The following WNK2 variants were observed in gnomAD, a reference collection of about 807,000 sequenced individuals.
WNK2 encodes serine/threonine-protein kinase WNK2.
A neutral mutation model predicts 192.1 loss-of-function variants in WNK2; 67 were observed. That is an observed-to-expected ratio of 0.35 (90% CI 0.29 to 0.43). The LOEUF (loss-of-function observed/expected upper bound fraction) is 0.43. Ranked by LOEUF, WNK2 falls within the 20% of genes least tolerant of loss-of-function variation. WNK2 has a pLI of 1.00. For missense variants in WNK2, 2,698 were observed against 3,089.7 expected (o/e 0.87, Z 3.01); for synonymous variants, 1,439 against 1,393.9 (o/e 1.03, Z -0.72).
At chr9:93,306,544 C>CT in intron 26 of WNK2, 3 of 560,400 alleles carry the variant, frequency 5.4e-6, no homozygotes, top group Non-Finnish European at 9.6e-6. Context: ...CTCCCTGAAG[C>CT]TTAGGGGCTT....
At chr9:93,245,539 G>A (rs1841542323) in intron 7 of WNK2, among the ~76,000 whole-genome samples, 1 of 152,260 alleles carries the variant, frequency 6.6e-6, no homozygotes, top group African/African-American at 2.4e-5. Flanking sequence ...CCGCCAGTTA[G>A]GCAGATGCTG....
chr9:93,250,048 G>T (rs748227566), intron 8 of WNK2, among the ~76,000 whole-genome samples: 157 of 150,726 alleles, frequency 1.0e-3, no homozygotes, highest in Admixed American at 2.6e-3. Context: ...TGAGTAGCTG[G>T]GACTATAGGC....
intron 2 of WNK2, among the ~76,000 whole-genome samples, chr9:93,217,514 T>G (rs1835962700): frequency 6.6e-6 from 1 of 152,154 alleles, no homozygotes; most frequent in African/African-American, 2.4e-5. Context: ...GCCGTCTCGG[T>G]TGTGGTCCCC....
At position 93,239,854 on chromosome 9, in the gene WNK2, A is replaced by C; in HGVS notation, c.1420A>C (p.Ile474Leu). 6.2e-7 allele frequency: 1 copy of C among 1,601,058 alleles called. No individual in the cohort carries two copies. The highest frequency in any genetic ancestry group is 8.5e-7 in the Non-Finnish European group (1 of 1,174,258). The change falls in exon 7 of 30, where the codon ATC becomes CTC. Residue 474 changes from isoleucine to leucine, a missense_variant. Coordinates refer to ENST00000427277, the MANE Select transcript of WNK2 (RefSeq NM_006648.4). The surrounding 1 kb of genome is among the most constrained non-coding windows in gnomAD (Gnocchi z 4.2). ...GGAGGACCACGGCAGGAAGTCCACC[A>C]TCGCCCTGAGGCTCTGGGTGGAAGA... is the stretch of plus-strand genomic sequence containing the variant. Reference protein sequence around the residue: ...AEEDHGRKSTIALRLWVEDPK... With the variant: ...AEEDHGRKSTLALRLWVEDPK...
At chr9:93,238,468 G>GA in intron 6 of WNK2, 147 bp downstream of exon 6, 1 of 748,630 alleles carries the variant, frequency 1.3e-6, no homozygotes, top group East Asian at 2.7e-5. Flanking sequence ...AGGGGCTGGT[G>GA]AGCATGTCGG....
chr9:93,222,449 G>A (rs1837079148), intron 2 of WNK2, among the ~76,000 whole-genome samples: 1 of 152,180 alleles, frequency 6.6e-6, no homozygotes. Context: ...TGGAGCCCTT[G>A]ACAAAGAAGA....
In WNK2 at chr9:93,289,279, C is replaced by T; in HGVS notation, c.4525C>T (p.Leu1509=). Residue 1509 remains leucine, a synonymous_variant, in exon 20 of 30, where the codon CTG becomes TTG. Coordinates refer to ENST00000427277, the MANE Select transcript of WNK2 (RefSeq NM_006648.4). ...TCCTGCCGCAGTGGGGGCCGTCAGCCTGGCCACCTCCCAGCTCCCAAGCCC... is the reference window on the plus strand; with the variant it reads ...TCCTGCCGCAGTGGGGGCCGTCAGCTTGGCCACCTCCCAGCTCCCAAGCCC... ...LLPAAVGAVS[L]ATSQLPSPPL... 6.2e-7 allele frequency: 1 copy of T among 1,600,194 alleles called. No individual in the cohort carries two copies.
At chr9:93,222,739 A>G (rs992902072) in intron 2 of WNK2, among the ~76,000 whole-genome samples, 1 of 152,006 alleles carries the variant, frequency 6.6e-6, no homozygotes, top group Non-Finnish European at 1.5e-5. Flanking sequence ...CTGGAGTGCA[A>G]TGGTGTGATC....
At chr9:93,287,978 A>G (rs1435066076) in intron 19 of WNK2, among the ~76,000 whole-genome samples, 1 of 152,166 alleles carries the variant, frequency 6.6e-6, no homozygotes, top group African/African-American at 2.4e-5. Flanking sequence ...CCCGGGAGGC[A>G]GAGGTTGCAG....
chr9:93,185,160 GCT>G lies in WNK2; in HGVS notation c.234_235del (p.Cys79GlnfsTer77). On this transcript the variant is annotated frameshift_variant, in exon 2 of 30. Coordinates refer to ENST00000427277, the MANE Select transcript of WNK2 (RefSeq NM_006648.4). LOFTEE classifies it high-confidence loss of function. ...PQPLQRRVLLLCKTRRLIAER... is the reference protein window; with the variant it reads ...PQPLQRRVLLXCKTRRLIAER... ...AGCCCCTGCAGCGCCGGGTGCTTCT[GCT>G]CTGCAAGACGCGCCGCCTCATCGCG... 7.9e-7 allele frequency: 1 copy of G among 1,270,276 alleles called. No individual in the cohort carries two copies. Among genetic ancestry groups the G allele is most frequent in the Non-Finnish European group, 1.0e-6 (1 of 1,001,144 alleles). The allele number at this position is 1,270,276 out of a possible 1,614,324, so 78.7% of individuals were successfully genotyped here.
intron 23 of WNK2, among the ~76,000 whole-genome samples, chr9:93,293,991 T>C (rs1166620039): frequency 6.6e-6 from 1 of 152,016 alleles, no homozygotes; most frequent in Admixed American, 6.6e-5. Context: ...TCTTTCTCCA[T>C]GTCTCTTTCC....
intron 19 of WNK2, among the ~76,000 whole-genome samples, chr9:93,274,049 A>G (rs570221851): frequency 6.0e-4 from 92 of 152,340 alleles, no homozygotes; most frequent in Non-Finnish European, 1.2e-3. Flanking sequence ...AGGAAAACCT[A>G]TAGCAAAATA....
chr9:93,189,126 C>G (rs576962442), intron 2 of WNK2, among the ~76,000 whole-genome samples: 8 of 152,260 alleles, frequency 5.3e-5, no homozygotes, highest in African/African-American at 1.9e-4. Context: ...CCCGGACCTT[C>G]CTGTTTCTGC....
chr9:93,269,608 T>G (rs1165239858), intron 19 of WNK2, among the ~76,000 whole-genome samples: 1 of 152,190 alleles, frequency 6.6e-6, no homozygotes, highest in Non-Finnish European at 1.5e-5. Flanking sequence ...AAGATTGAAT[T>G]TTTAAATAAG....
At chr9:93,240,008 G>A (rs901345579) in intron 7 of WNK2, 32 bp downstream of exon 7, 8 of 1,582,940 alleles carry the variant, frequency 5.1e-6, no homozygotes, top group Non-Finnish European at 6.9e-6. Context: ...TGAGGTGGGT[G>A]CAGGTGTTGG....
intron 2 of WNK2, among the ~76,000 whole-genome samples, chr9:93,213,833 AGATTACAACAT>A (rs2131607894): frequency 6.6e-6 from 1 of 152,340 alleles, no homozygotes; most frequent in East Asian, 1.9e-4. Flanking sequence ...GTTATGCTGG[AGATTACAACAT>A]GTATCCAAAG....
rs1012191206 is a variant in WNK2, at chr9:93,247,699, C to CCGG, written c.1701_1702insGCG (p.Pro567_Pro568insAla). Reference sequence around the variant, plus strand: ...GGGCAGCCCGGACAAGGCCAGGGGTCCGCCGGTGCCCCTGCAGGTCCAGGT... The same window carrying CCGG: ...GGGCAGCCCGGACAAGGCCAGGGGTCCGGCGCCGGTGCCCCTGCAGGTCCAGGT... On this transcript the variant is annotated inframe_insertion, in exon 8 of 30. Transcript: ENST00000427277. This position sits in a 1 kb window ranked among gnomAD's most constrained non-coding sequence, Gnocchi z 5.2. The CCGG allele has an allele frequency of 1.7e-5, 26 of 1,564,720 alleles. No individual in the cohort carries two copies. Among genetic ancestry groups the CCGG allele is most frequent in the Non-Finnish European group, 2.3e-5 (26 of 1,155,084 alleles).
intron 19 of WNK2, among the ~76,000 whole-genome samples, chr9:93,282,262 G>A (rs1159428070): frequency 6.7e-6 from 1 of 148,894 alleles, no homozygotes; most frequent in East Asian, 2.0e-4. Flanking sequence ...ACCCCTGTGA[G>A]ACTCGTAGAA....
At chr9:93,252,326 C>T (rs1320790312) in intron 8 of WNK2, among the ~76,000 whole-genome samples, 1 of 152,214 alleles carries the variant, frequency 6.6e-6, no homozygotes, top group Non-Finnish European at 1.5e-5. Flanking sequence ...TTGGTGTCAC[C>T]CCTGCCACCG....
Sources: gnomAD v4.1 joint callset for allele counts (sites outside exome capture counted in the v4.1 genomes callset) on GRCh38, gnomAD v4.1.1 for gene constraint, Gnocchi (gnomAD v3.1) non-coding constraint, MANE v1.5 for transcripts, NCBI Gene and HGNC (gene_info 2026-07-23, HGNC 2026-07-21) for gene names.